Variants in GRIK3 observed in about 807,000 individuals in gnomAD.
The protein encoded by GRIK3 is glutamate receptor ionotropic, kainate 3.
In GRIK3, 29 loss-of-function variants were observed where a neutral mutation model predicts 102.5. The observed-to-expected ratio is 0.28, with a 90% CI of 0.21 to 0.39. The LOEUF is 0.39. Among genes scored for constraint, GRIK3 ranks in the 10% least tolerant of loss-of-function variants. The pLI is 1.00. For synonymous variants in GRIK3, 511 were observed against 504.9 expected (o/e 1.01, Z -0.16); for missense variants, 908 against 1,252.4 (o/e 0.73, Z 4.15).
intron 10 of GRIK3, among the ~76,000 whole-genome samples, chr1:36,839,966 C>T (rs1640427188): frequency 6.6e-6 from 1 of 152,176 alleles, no homozygotes; most frequent in East Asian, 1.9e-4. Context: ...ATGCTGTCTG[C>T]TCCCATCCTG....
At chr1:36,968,217 C>T (rs1021727147) in intron 1 of GRIK3, among the ~76,000 whole-genome samples, 7 of 136,796 alleles carry the variant, frequency 5.1e-5, no homozygotes, top group African/African-American at 1.4e-4. Context: ...CACTCTCTCT[C>T]TCCGTGTGTG....
intron 1 of GRIK3, among the ~76,000 whole-genome samples, chr1:37,019,683 G>A (rs1333602134): frequency 6.6e-6 from 1 of 152,050 alleles, no homozygotes; most frequent in East Asian, 1.9e-4. Flanking sequence ...ATAAATGTTT[G>A]GTGAATCAAT....
Position 36,825,791 on chromosome 1 carries a change from G to A in GRIK3, c.1566C>T (p.Thr522=), listed in dbSNP as rs1226628878. 6.2e-7 allele frequency: 1 copy of A among 1,613,346 alleles called. No homozygotes were observed. The highest frequency in any genetic ancestry group is 8.5e-7 in the Non-Finnish European group (1 of 1,179,628). ...ADLAVAPLTI[T]HVREKAIDFS... is the part of the protein sequence containing the mutation. Reference sequence around the variant, plus strand: ...AGTCGATGGCCTTCTCTCGAACATGGGTGATGGTCAGGGGGGCCACGGCCA... The same window carrying A: ...AGTCGATGGCCTTCTCTCGAACATGAGTGATGGTCAGGGGGGCCACGGCCA... The change falls in exon 11 of 16, where the codon ACC becomes ACT. Residue 522 remains threonine, a synonymous_variant. Transcript: ENST00000373091.
intron 9 of GRIK3, among the ~76,000 whole-genome samples, chr1:36,843,236 C>T (rs1008708174): frequency 6.6e-6 from 1 of 152,186 alleles, no homozygotes; most frequent in Non-Finnish European, 1.5e-5. Context: ...CAGGTCAACA[C>T]GCAAGTCCAC....
At chr1:36,969,591 T>A (rs1642119487) in intron 1 of GRIK3, among the ~76,000 whole-genome samples, 1 of 152,030 alleles carries the variant, frequency 6.6e-6, no homozygotes, top group African/African-American at 2.4e-5. Context: ...GTAGAGAGAG[T>A]AGAGACCTGC....
At chr1:36,975,198 A>G (rs1247427960) in intron 1 of GRIK3, among the ~76,000 whole-genome samples, 1 of 152,190 alleles carries the variant, frequency 6.6e-6, no homozygotes. Flanking sequence ...AAAACTTTAA[A>G]TATACATAAA....
At chr1:36,967,558 G>A (rs1239102324) in intron 1 of GRIK3, among the ~76,000 whole-genome samples, 1 of 152,224 alleles carries the variant, frequency 6.6e-6, no homozygotes, top group African/African-American at 2.4e-5. Flanking sequence ...GTAGGTGACA[G>A]GTAGGAGGTA....
intron 13 of GRIK3, among the ~76,000 whole-genome samples, chr1:36,814,777 C>T (rs892561170): frequency 2.6e-5 from 4 of 151,888 alleles, no homozygotes; most frequent in African/African-American, 9.7e-5. Flanking sequence ...CTAGACATAC[C>T]CATGAGGATA....
At chr1:36,949,561 T>C (rs1436783578) in intron 1 of GRIK3, among the ~76,000 whole-genome samples, 1 of 148,992 alleles carries the variant, frequency 6.7e-6, no homozygotes, top group Non-Finnish European at 1.5e-5. Context: ...TTTTTCTTTC[T>C]CTCTCTCTCT....
At chr1:36,816,283 C>A (rs1425320534) in intron 13 of GRIK3, among the ~76,000 whole-genome samples, 3 of 152,184 alleles carry the variant, frequency 2.0e-5, no homozygotes, top group African/African-American at 7.2e-5. Context: ...TTAAATGAGG[C>A]CCAGCATTTA....
intron 1 of GRIK3, among the ~76,000 whole-genome samples, chr1:37,027,180 G>A (rs1642773394): frequency 6.6e-6 from 1 of 152,080 alleles, no homozygotes; most frequent in African/African-American, 2.4e-5. Flanking sequence ...ACTAGGGAGA[G>A]GCAGTGTGGA....
chr1:36,876,567 C>T (rs1172444637), intron 3 of GRIK3, among the ~76,000 whole-genome samples: 5 of 152,172 alleles, frequency 3.3e-5, no homozygotes, highest in African/African-American at 4.8e-5. Flanking sequence ...AGTGAGATAA[C>T]GGTTTATTGC....
At chr1:36,881,339 CCT>C (rs1640975041) in intron 2 of GRIK3, among the ~76,000 whole-genome samples, 1 of 152,150 alleles carries the variant, frequency 6.6e-6, no homozygotes, top group South Asian at 2.1e-4. Flanking sequence ...GTGCATCTCA[CCT>C]CTTACTCAAC....
At chr1:36,973,860 C>G (rs1317815045) in intron 1 of GRIK3, among the ~76,000 whole-genome samples, 1 of 152,166 alleles carries the variant, frequency 6.6e-6, no homozygotes, top group African/African-American at 2.4e-5. Context: ...TTCAGAAGAG[C>G]TGTCATGGAC....
chr1:37,001,055 G>A (rs989758337), intron 1 of GRIK3, among the ~76,000 whole-genome samples: 6 of 152,212 alleles, frequency 3.9e-5, no homozygotes, highest in South Asian at 2.1e-4. Flanking sequence ...TTCAGTTCCC[G>A]TCAATAACTG....
At chr1:36,918,925 A>G (rs1381254333) in intron 1 of GRIK3, among the ~76,000 whole-genome samples, 2 of 152,240 alleles carry the variant, frequency 1.3e-5, no homozygotes, top group Non-Finnish European at 2.9e-5. Context: ...CACCAATGAC[A>G]GGCCAAGGAC....
intron 1 of GRIK3, among the ~76,000 whole-genome samples, chr1:37,022,958 T>A (rs1056706365): frequency 6.6e-6 from 1 of 152,132 alleles, no homozygotes; most frequent in African/African-American, 2.4e-5. Flanking sequence ...CAGAAGGGGA[T>A]GGAGGTTGAG....
At chr1:36,913,486 T>C (rs1427521154) in intron 1 of GRIK3, among the ~76,000 whole-genome samples, 2 of 152,242 alleles carry the variant, frequency 1.3e-5, no homozygotes, top group Admixed American at 6.5e-5. Flanking sequence ...CTTATCCAGA[T>C]GCCTTTTAGC....
At chr1:36,984,005 C>G (rs1642277504) in intron 1 of GRIK3, among the ~76,000 whole-genome samples, 1 of 152,158 alleles carries the variant, frequency 6.6e-6, no homozygotes, top group African/African-American at 2.4e-5. Context: ...AATAAGAATC[C>G]AAAGAGTGAA....
Sources: gnomAD v4.1 joint callset for allele counts (sites outside exome capture counted in the v4.1 genomes callset) on GRCh38, gnomAD v4.1.1 for gene constraint, MANE v1.5 for transcripts, NCBI Gene and HGNC (gene_info 2026-07-23, HGNC 2026-07-21) for gene names.